PDE10A: variants seen among roughly 807,000 people sequenced by gnomAD.
The protein encoded by PDE10A is phosphodiesterase 10A.
In PDE10A, 39 loss-of-function variants were observed where a neutral mutation model predicts 97.7. The observed-to-expected ratio is 0.40, with a 90% CI of 0.31 to 0.52. The LOEUF is 0.52. PDE10A is among the 20% of genes least tolerant of loss of function. The pLI, the probability that PDE10A is intolerant of heterozygous loss-of-function variation, is 0.56. For missense variants in PDE10A, 731 were observed against 1,047.8 expected, an observed-to-expected ratio of 0.70 and a Z score of 4.17; for synonymous variants, 371 against 376.8, an observed-to-expected ratio of 0.98 and a Z score of 0.18.
chr6:165,449,798 G>A (rs541960502), intron 4 of PDE10A, among the ~76,000 whole-genome samples: 3 of 152,178 alleles, frequency 2.0e-5, no homozygotes, highest in Non-Finnish European at 4.4e-5. Flanking sequence ...CTAAAAACAA[G>A]TGTATCCTTC....
rs185565049 is a variant in PDE10A at position 165,740,655 on chromosome 6, C to A, written c.-614-197087G>T. Among the ~76,000 whole-genome samples, 260 of 152,138 alleles carry A rather than the reference C, an allele frequency of 1.7e-3. 3 individuals are homozygous for A. Among genetic ancestry groups the A allele is most frequent in the Admixed American group, 0.016 (237 of 15,274 alleles). Reference sequence around the variant, plus strand: ...GCCTGTGTGATGGAATATTACTCAGCCTTAAAAAAGAAGGAAATCCTGTCA... The same window carrying A: ...GCCTGTGTGATGGAATATTACTCAGACTTAAAAAAGAAGGAAATCCTGTCA... On this transcript the variant is annotated intron_variant, in intron 1 of 19. Coordinates refer to the PDE10A transcript ENST00000366882.
At chr6:165,845,122 C>T (rs1042324610) in intron 1 of PDE10A, among the ~76,000 whole-genome samples, 2 of 152,168 alleles carry the variant, frequency 1.3e-5, no homozygotes, top group African/African-American at 4.8e-5. Flanking sequence ...GCTATGAGAG[C>T]TGATGGTCAT....
intron 1 of PDE10A, among the ~76,000 whole-genome samples, chr6:165,830,853 C>T (rs769060089): frequency 1.3e-5 from 2 of 152,138 alleles, no homozygotes; most frequent in Non-Finnish European, 2.9e-5. Context: ...CCAACGAAAT[C>T]CAAAAGCTGA....
chr6:165,839,761 TGTCTCCATCCC>T (rs1780167637), intron 1 of PDE10A, among the ~76,000 whole-genome samples: 2 of 107,974 alleles, frequency 1.9e-5, no homozygotes, highest in East Asian at 5.9e-4. Context: ...TCTTCATCCC[TGTCTCCATCCC>T]CATCTGCATC....
At chr6:165,840,035 C>T (rs998770857) in intron 1 of PDE10A, among the ~76,000 whole-genome samples, 3 of 366 alleles carry the variant, frequency 8.2e-3, no homozygotes, top group African/African-American at 0.033. Flanking sequence ...TTCCCATTCC[C>T]ATCTCCATCT....
chr6:165,516,221 C>G (rs921465505), intron 2 of PDE10A, among the ~76,000 whole-genome samples: 1 of 152,078 alleles, frequency 6.6e-6, no homozygotes, highest in African/African-American at 2.4e-5. Context: ...ACAATTTTTC[C>G]CTCTCTATTG....
chr6:165,699,397 G>A (rs1223896644), intron 1 of PDE10A, among the ~76,000 whole-genome samples: 1 of 152,128 alleles, frequency 6.6e-6, no homozygotes, highest in African/African-American at 2.4e-5. Flanking sequence ...AAATATGCAG[G>A]CTTCAATACC....
chr6:165,882,009 G>A (rs937982965), intron 1 of PDE10A, among the ~76,000 whole-genome samples: 3 of 152,150 alleles, frequency 2.0e-5, no homozygotes, highest in African/African-American at 7.2e-5. Flanking sequence ...GCAGCTGCCA[G>A]ACATCAGCAC....
intron 1 of PDE10A, chr6:165,946,711 A>T (rs1328268126): frequency 6.6e-6 from 1 of 152,146 alleles, no homozygotes; most frequent in Non-Finnish European, 1.5e-5. Context: ...CTGGCTATTT[A>T]AAAAACTAAT....
chr6:165,347,994 T>TTGTACCCTTTCTTTGACGTGCACGTACC lies in PDE10A; in HGVS notation c.2784-4520_2784-4493dup, dbSNP rs1562370108. Among the ~76,000 whole-genome samples, 6 of 152,312 alleles carry TTGTACCCTTTCTTTGACGTGCACGTACC rather than the reference T, an allele frequency of 3.9e-5. No individual in the cohort carries two copies. In the East Asian group the frequency reaches 1.2e-3, roughly 29 times the overall value. On this transcript the variant is annotated intron_variant, in intron 18 of 21. Transcript: ENST00000539869. ...CAAAGAATTGTTAAAGTGTTTAATA[T>TTGTACCCTTTCTTTGACGTGCACGTACC]TGTACCCTTTCTTTGACGTGCACGT...
chr6:165,388,169 A>G lies in PDE10A; in HGVS notation c.2610+129T>C. The G allele has an allele frequency of 1.4e-6, 1 of 726,650 alleles. No individual in the cohort carries two copies. Among genetic ancestry groups the G allele is most frequent in the Non-Finnish European group, 2.3e-6 (1 of 427,456 alleles). 45.0% of individuals were successfully genotyped at this position (726,650 alleles called of 1,614,324 possible). The stretch of plus-strand genomic sequence containing the variant: ...TTATTTAATGATGACTATAAATATA[A>G]GGTTCTACAATAAAAAGTAGCTGTT... On this transcript the variant is annotated intron_variant, in intron 17 of 21. Coordinates refer to ENST00000539869, the MANE Select transcript of PDE10A (RefSeq NM_001385079.1). This position sits in a 1 kb window ranked among gnomAD's most constrained non-coding sequence, Gnocchi z 4.0.
intron 1 of PDE10A, among the ~76,000 whole-genome samples, chr6:165,578,566 T>A (rs1785442416): frequency 6.6e-6 from 1 of 152,044 alleles, no homozygotes; most frequent in East Asian, 1.9e-4. Flanking sequence ...ACAACCTTCA[T>A]CTCCCGCTAC....
intron 1 of PDE10A, among the ~76,000 whole-genome samples, chr6:165,930,425 G>A (rs1431761778): frequency 1.3e-5 from 2 of 152,194 alleles, no homozygotes; most frequent in African/African-American, 2.4e-5. Flanking sequence ...TGCGTTCTTT[G>A]GGTCTATGGA....
intron 1 of PDE10A, among the ~76,000 whole-genome samples, chr6:165,685,032 T>C (rs1347479292): frequency 6.6e-6 from 1 of 152,240 alleles, no homozygotes; most frequent in African/African-American, 2.4e-5. Flanking sequence ...TATTTTTTAT[T>C]AGATGTATCT....
chr6:165,723,482 C>A (rs773246738), intron 1 of PDE10A, among the ~76,000 whole-genome samples: 1 of 152,174 alleles, frequency 6.6e-6, no homozygotes, highest in Non-Finnish European at 1.5e-5. Flanking sequence ...GTGTGTGACA[C>A]CCGGTAGTGG....
intron 1 of PDE10A, among the ~76,000 whole-genome samples, chr6:165,727,256 T>C (rs1351282319): frequency 1.3e-5 from 2 of 152,298 alleles, no homozygotes; most frequent in African/African-American, 4.8e-5. Context: ...CTCCTTAGAA[T>C]CACGCGTATA....
At chr6:165,362,371 A>G (rs1379254655) in intron 18 of PDE10A, among the ~76,000 whole-genome samples, 1 of 152,184 alleles carries the variant, frequency 6.6e-6, no homozygotes, top group Non-Finnish European at 1.5e-5. Flanking sequence ...GAAACGAAAA[A>G]GGGAACTTTA....
At chr6:165,637,949 T>A (rs1485053013) in intron 1 of PDE10A, among the ~76,000 whole-genome samples, 2 of 152,208 alleles carry the variant, frequency 1.3e-5, no homozygotes, top group Non-Finnish European at 2.9e-5. Flanking sequence ...GTAGCCTTCA[T>A]TCACCACAAT....
chr6:165,438,986 T>A (rs1030784002), intron 5 of PDE10A, among the ~76,000 whole-genome samples: 4 of 151,574 alleles, frequency 2.6e-5, no homozygotes, highest in African/African-American at 9.7e-5. Flanking sequence ...ATATATACTT[T>A]GCATTTCTCA....
Sources: allele counts gnomAD v4.1 joint callset (sites outside exome capture counted in the v4.1 genomes callset), GRCh38; gene constraint gnomAD v4.1.1; non-coding constraint Gnocchi (gnomAD v3.1); transcripts MANE v1.5; gene names NCBI Gene and HGNC (gene_info 2026-07-23, HGNC 2026-07-21).